Variants in TMTC2 observed in about 807,000 individuals in gnomAD.
The protein encoded by TMTC2 is protein O-mannosyl-transferase TMTC2.
In TMTC2, 43 loss-of-function variants were observed where a neutral mutation model predicts 82.4. That is an observed-to-expected ratio of 0.52 (90% CI 0.41 to 0.67). The LOEUF (loss-of-function observed/expected upper bound fraction) is 0.67. TMTC2 is among the 30% of genes least tolerant of loss of function. The probability of loss-of-function intolerance (pLI) is 0.00; values close to 1 mark genes in which losing one functional copy is unlikely to be tolerated. For synonymous variants in TMTC2, 408 were observed against 381.9 expected (o/e 1.07, Z -0.80); for missense variants, 919 against 1,012.4 (o/e 0.91, Z 1.25).
At chr12:82,997,234 T>C (rs915094606) in intron 8 of TMTC2, among the ~76,000 whole-genome samples, 2 of 134,250 alleles carry the variant, frequency 1.5e-5, no homozygotes, top group Non-Finnish European at 3.2e-5. Context: ...TATATATATA[T>C]AGTTATGTAT....
intron 1 of TMTC2, among the ~76,000 whole-genome samples, chr12:82,829,610 T>C (rs1435518865): frequency 6.6e-6 from 1 of 152,188 alleles, no homozygotes; most frequent in Non-Finnish European, 1.5e-5. Context: ...AACATGCTAT[T>C]AGCTAATTTT....
At chr12:82,897,593 T>A (rs948556216) in intron 3 of TMTC2, among the ~76,000 whole-genome samples, 1 of 152,280 alleles carries the variant, frequency 6.6e-6, no homozygotes, top group East Asian at 1.9e-4. Context: ...TGGCATGATC[T>A]CGACTTACTG....
At chr12:82,884,781 A>C (rs1873004283) in intron 2 of TMTC2, among the ~76,000 whole-genome samples, 1 of 152,180 alleles carries the variant, frequency 6.6e-6, no homozygotes, top group African/African-American at 2.4e-5. Context: ...TAGTTTATTC[A>C]GATTTTTTAG....
chr12:83,011,006 T>G (rs142003575), intron 8 of TMTC2, among the ~76,000 whole-genome samples: 2,712 of 152,192 alleles, frequency 0.018, 71 homozygotes, highest in African/African-American at 0.061. Context: ...AGCTAATTTT[T>G]GGGTTTTTAG....
At chr12:83,084,691 C>T (rs755036383) in intron 11 of TMTC2, among the ~76,000 whole-genome samples, 4 of 152,126 alleles carry the variant, frequency 2.6e-5, no homozygotes, top group Non-Finnish European at 5.9e-5. Context: ...GGATGACCTA[C>T]TTGATATTTG....
chr12:82,896,320 A>G lies in TMTC2; in HGVS notation c.1157A>G (p.Gln386Arg), dbSNP rs748537146. The G allele has an allele frequency of 2.5e-6, 4 of 1,614,158 alleles. No individual in the cohort carries two copies. In the South Asian group the frequency reaches 3.3e-5, roughly 13 times the overall value. Residue 386 changes from glutamine to arginine, a missense_variant, in exon 3 of 12, where the codon CAG (glutamine) becomes CGG (arginine). Physicochemically the swap from Gln to Arg is conservative, Grantham distance 43. Coordinates refer to ENST00000321196, the MANE Select transcript of TMTC2 (RefSeq NM_152588.3). ...GIKNDVSQRT[Q>R]LPSTENIVVL... ...AAAAACGATGTATCACAGAGAACCC[A>G]GCTTCCTTCTACGGAGAACATTGTT...
intron 9 of TMTC2, among the ~76,000 whole-genome samples, chr12:83,043,649 T>C (rs1881977977): frequency 6.6e-6 from 1 of 152,210 alleles, no homozygotes; most frequent in African/African-American, 2.4e-5. Flanking sequence ...TAGATGAGTT[T>C]TGGTGTGAAA....
intron 1 of TMTC2, among the ~76,000 whole-genome samples, chr12:82,772,298 A>G (rs1327236295): frequency 6.6e-6 from 1 of 152,206 alleles, no homozygotes; most frequent in Admixed American, 6.5e-5. Context: ...TACCAGAAGA[A>G]AAGGTTTTAA....
intron 1 of TMTC2, among the ~76,000 whole-genome samples, chr12:82,813,106 CTCTT>C (rs3068050): frequency 0.053 from 8,070 of 152,010 alleles, 263 homozygotes; most frequent in Middle Eastern, 0.13. Flanking sequence ...TTATCTGTAT[CTCTT>C]TCTTTTAAAA....
At chr12:82,938,970 AT>A (rs746454144) in intron 4 of TMTC2, among the ~76,000 whole-genome samples, 12 of 152,194 alleles carry the variant, frequency 7.9e-5, no homozygotes, top group Non-Finnish European at 1.5e-4. Flanking sequence ...ATCATTATTA[AT>A]TTTTGACTTT....
Position 82,896,399 on chromosome 12 carries a change from T to C in TMTC2, c.1236T>C (p.Phe412=). The C allele has an allele frequency of 6.2e-7, 1 of 1,614,186 alleles. No homozygotes were observed. The highest frequency in any genetic ancestry group is 1.6e-4 in the Middle Eastern group (1 of 6,062). ...CCTTTGTTCCTGCCACGAACCTGTT[T>C]TTCTATGTCGGCTTTGTAATTGCAG... The part of the protein sequence containing the change: ...IIPFVPATNL[F]FYVGFVIAER... The change falls in exon 3 of 12, where the codon TTT becomes TTC. Residue 412 remains phenylalanine, a synonymous_variant. Transcript: ENST00000321196.
At chr12:82,723,111 A>C (rs1057463519) in intron 1 of TMTC2, among the ~76,000 whole-genome samples, 1 of 152,378 alleles carries the variant, frequency 6.6e-6, no homozygotes, top group South Asian at 2.1e-4. Flanking sequence ...TCAATAAATT[A>C]GGATTCAGTT....
chr12:82,711,780 C>T (rs1873631999), intron 1 of TMTC2, among the ~76,000 whole-genome samples: 1 of 152,182 alleles, frequency 6.6e-6, no homozygotes, highest in Non-Finnish European at 1.5e-5. Flanking sequence ...TTTGCCTTCA[C>T]TTTAGAGCTA....
chr12:82,730,822 C>G (rs1404222016), intron 1 of TMTC2, among the ~76,000 whole-genome samples: 1 of 152,162 alleles, frequency 6.6e-6, no homozygotes, highest in Non-Finnish European at 1.5e-5. Flanking sequence ...AAGGTAGGAT[C>G]TACTTAGAAA....
chr12:83,072,479 A>G (rs1883151937), intron 11 of TMTC2, among the ~76,000 whole-genome samples: 1 of 152,112 alleles, frequency 6.6e-6, no homozygotes. Context: ...TGTATTCTAC[A>G]GTTGTTGGAT....
chr12:82,848,845 A>G (rs1200914545), intron 1 of TMTC2, among the ~76,000 whole-genome samples: 1 of 152,176 alleles, frequency 6.6e-6, no homozygotes, highest in Non-Finnish European at 1.5e-5. Flanking sequence ...CACAATAACT[A>G]GGAAAGGATT....
chr12:82,864,633 C>T (rs989226541), intron 2 of TMTC2, among the ~76,000 whole-genome samples: 1 of 150,726 alleles, frequency 6.6e-6, no homozygotes, highest in Admixed American at 6.6e-5. Context: ...TCCCGAGTAG[C>T]TGGGACTACA....
At chr12:82,915,825 G>A (rs984538586) in intron 3 of TMTC2, among the ~76,000 whole-genome samples, 2 of 152,178 alleles carry the variant, frequency 1.3e-5, no homozygotes, top group African/African-American at 4.8e-5. Flanking sequence ...AAACTCAGAG[G>A]CAACTTGTAC....
intron 9 of TMTC2, among the ~76,000 whole-genome samples, chr12:83,038,458 T>G (rs150265076): frequency 6.6e-6 from 1 of 152,280 alleles, no homozygotes; most frequent in African/African-American, 2.4e-5. Context: ...TTTTTAATGT[T>G]TAAGATTATC....
Sources: gnomAD v4.1 joint callset for allele counts (sites outside exome capture counted in the v4.1 genomes callset) on GRCh38, gnomAD v4.1.1 for gene constraint, MANE v1.5 for transcripts, NCBI Gene and HGNC (gene_info 2026-07-23, HGNC 2026-07-21) for gene names.